AGR3: variants seen among roughly 807,000 people sequenced by gnomAD.
The protein encoded by AGR3 is anterior gradient 3, protein disulphide isomerase family member, also known as anterior gradient protein 3.
AGR3 carries 37 observed loss-of-function variants against 24.5 expected under a neutral mutation model. That is an observed-to-expected ratio of 1.51 (90% CI 1.16 to 1.99). The LOEUF (loss-of-function observed/expected upper bound fraction) is 1.99, where lower values mean the gene tolerates loss of function less well. AGR3 is among the 30% of genes most tolerant of loss of function. The probability of loss-of-function intolerance (pLI) is 0.00; values close to 1 mark genes in which losing one functional copy is unlikely to be tolerated. For synonymous variants in AGR3, 75 were observed against 61.6 expected (o/e 1.22, Z -1.02); for missense variants, 228 against 191.1 (o/e 1.19, Z -1.14).
chr7:16,866,044 C>A (rs1332284043), intron 3 of AGR3: 4 of 634,124 alleles, frequency 6.3e-6, no homozygotes, highest in African/African-American at 1.8e-5. Context: ...ACCCATGGTT[C>A]ATTTTCAGAC....
chr7:16,858,656 A>G (rs1583832596), downstream of AGR3, among the ~76,000 whole-genome samples: 1 of 152,136 alleles, frequency 6.6e-6, no homozygotes, highest in East Asian at 1.9e-4. Context: ...AGATCACCTG[A>G]GGTCAGGAGT....
Position 16,873,687 on chromosome 7 carries a change from T to C in AGR3, c.173+93A>G. 5 of 920,542 alleles carry C rather than the reference T, an allele frequency of 5.4e-6. No individual in the cohort carries two copies. The South Asian group carries it at 7.4e-5, about 14-fold the overall frequency. 57.0% of individuals were successfully genotyped at this position (920,542 alleles called of 1,614,324 possible). A position where few individuals can be genotyped will look rare whatever the true frequency, so the allele number is the denominator to read the frequency against. Reference sequence around the variant, plus strand: ...TTGATCACTACACATTGTGTACATGTATCAGCATATCACTCTATATTCCAT... The same window carrying C: ...TTGATCACTACACATTGTGTACATGCATCAGCATATCACTCTATATTCCAT... On this transcript the variant is annotated intron_variant, in intron 3 of 7. Coordinates refer to ENST00000310398, the MANE Select transcript of AGR3 (RefSeq NM_176813.5).
At chr7:16,858,608 G>A (rs928317645), downstream of AGR3, among the ~76,000 whole-genome samples, 2 of 151,926 alleles carry the variant, frequency 1.3e-5, no homozygotes, top group Non-Finnish European at 1.5e-5. Context: ...GCAGTGGCTC[G>A]GGCCTGTAAT....
At chr7:16,871,278 T>C (rs1173674249) in intron 3 of AGR3, among the ~76,000 whole-genome samples, 1 of 152,200 alleles carries the variant, frequency 6.6e-6, no homozygotes, top group Non-Finnish European at 1.5e-5. Context: ...ATGAAGACAT[T>C]AATACAGAGG....
chr7:16,860,387 C>A (rs1781617086), intron 7 of AGR3, 113 bp downstream of exon 7: 2 of 809,548 alleles, frequency 2.5e-6, no homozygotes, highest in African/African-American at 1.7e-5. Context: ...TAAACACCAC[C>A]ACTAGCCTCA....
chr7:16,875,507 T>A (rs141349155), intron 2 of AGR3, among the ~76,000 whole-genome samples: 10 of 152,330 alleles, frequency 6.6e-5, no homozygotes, highest in Admixed American at 2.0e-4. Flanking sequence ...TATCTGTTCA[T>A]CAGTTAATGA....
chr7:16,873,835 C>T lies in AGR3; in HGVS notation c.118G>A (p.Asp40Asn). The T allele has an allele frequency of 6.2e-7, 1 of 1,612,504 alleles. No individual in the cohort carries two copies. The highest frequency in any genetic ancestry group is 8.5e-7 in the Non-Finnish European group (1 of 1,178,890). Residue 40 changes from aspartate to asparagine, a missense_variant, in exon 3 of 8, where the codon GAT becomes AAT. Transcript: ENST00000310398. ...PPQTLSRGWG[D>N]DITWVQTYEE... ...TAAGTTTGTACCCAAGTGATGTCATCTCCCCATCCTGAAATAGAAGAGAGA... is the reference window on the plus strand; with the variant it reads ...TAAGTTTGTACCCAAGTGATGTCATTTCCCCATCCTGAAATAGAAGAGAGA...
chr7:16,859,565 CT>C lies in AGR3; in HGVS notation c.*16del. 3 of 1,535,040 alleles carry C rather than the reference CT, an allele frequency of 2.0e-6. No homozygotes were observed. The highest frequency in any genetic ancestry group is 1.2e-5 in the South Asian group (1 of 84,856). On this transcript the variant is annotated 3_prime_UTR_variant, in exon 8 of 8. Coordinates refer to ENST00000310398, the MANE Select transcript of AGR3 (RefSeq NM_176813.5). ...AAATTTGACTTCTTTGAAGTGAAGGCTTTTTTCCATCATCTCTTATAGCTCT... is the reference window on the plus strand; with the variant it reads ...AAATTTGACTTCTTTGAAGTGAAGGCTTTTTCCATCATCTCTTATAGCTCT...
At chr7:16,857,757 G>C (rs1385950177), downstream of AGR3, among the ~76,000 whole-genome samples, 1 of 152,062 alleles carries the variant, frequency 6.6e-6, no homozygotes, top group African/African-American at 2.4e-5. Flanking sequence ...TATCCAAATA[G>C]ATCAATTTAC....
At chr7:16,869,962 T>C (rs1041094970) in intron 3 of AGR3, among the ~76,000 whole-genome samples, 1 of 152,008 alleles carries the variant, frequency 6.6e-6, no homozygotes, top group African/African-American at 2.4e-5. Flanking sequence ...GAATTATCTT[T>C]TTAAAAAATC....
At chr7:16,866,939 T>C (rs539330444) in intron 3 of AGR3, among the ~76,000 whole-genome samples, 2 of 152,258 alleles carry the variant, frequency 1.3e-5, no homozygotes, top group African/African-American at 2.4e-5. Flanking sequence ...AATTTCTTTT[T>C]AGACTTTTTC....
chr7:16,865,069 A>C, intron 3 of AGR3: 2 of 781,722 alleles, frequency 2.6e-6, no homozygotes, highest in Middle Eastern at 2.8e-4. Context: ...GATGAGTCTG[A>C]TTCTGTTAAA....
At chr7:16,855,984 T>C (rs1781551613), downstream of AGR3, among the ~76,000 whole-genome samples, 1 of 129,962 alleles carries the variant, frequency 7.7e-6, no homozygotes, top group African/African-American at 2.5e-5. Context: ...TTTTCCATGA[T>C]GGTAAAATAC....
chr7:16,867,872 TGCCCA>T (rs1422183890), intron 3 of AGR3, among the ~76,000 whole-genome samples: 2 of 152,314 alleles, frequency 1.3e-5, no homozygotes, highest in African/African-American at 2.4e-5. Context: ...TTTTGATACA[TGCCCA>T]GCAGGGAATT....
intron 3 of AGR3, among the ~76,000 whole-genome samples, chr7:16,868,419 T>G (rs1781802349): frequency 6.6e-6 from 1 of 152,216 alleles, no homozygotes; most frequent in African/African-American, 2.4e-5. Context: ...CCTCCCAAAG[T>G]GCTGGGATTA....
intron 3 of AGR3, chr7:16,864,786 G>A (rs11975058): frequency 0.27 from 273,985 of 1,017,630 alleles, 37,706 homozygotes; most frequent in South Asian, 0.34. Flanking sequence ...CATATCCTCC[G>A]GCTTTGTTGG....
downstream of AGR3, among the ~76,000 whole-genome samples, chr7:16,855,259 C>T (rs147497401): frequency 2.3e-3 from 350 of 152,242 alleles, no homozygotes; most frequent in Non-Finnish European, 3.8e-3. Flanking sequence ...GAAATACCTC[C>T]ATTCTGAGAT....
At chr7:16,857,039 C>T (rs1781563603), downstream of AGR3, among the ~76,000 whole-genome samples, 1 of 149,446 alleles carries the variant, frequency 6.7e-6, no homozygotes, top group African/African-American at 2.5e-5. Flanking sequence ...AGTACAGTGG[C>T]TATTCATAGA....
intron 2 of AGR3, among the ~76,000 whole-genome samples, chr7:16,874,844 T>C (rs1781953663): frequency 6.6e-6 from 1 of 152,120 alleles, no homozygotes; most frequent in South Asian, 2.1e-4. Context: ...TGGCCAGGCA[T>C]GGTGGCTCAT....
Sources: allele counts gnomAD v4.1 joint callset (sites outside exome capture counted in the v4.1 genomes callset), GRCh38; gene constraint gnomAD v4.1.1; transcripts MANE v1.5; gene names NCBI Gene and HGNC (gene_info 2026-07-23, HGNC 2026-07-21).